The following PMFBP1 variants were observed in gnomAD, a reference collection of about 807,000 sequenced individuals.
PMFBP1 encodes the protein polyamine modulated factor 1 binding protein 1.
A neutral mutation model predicts 137.8 loss-of-function variants in PMFBP1; 131 were observed. That is an observed-to-expected ratio of 0.95 (90% CI 0.82 to 1.10). The LOEUF is 1.10. Among genes scored for constraint, PMFBP1 ranks in the 50% least tolerant of loss-of-function variants. The pLI is 0.00. For missense variants in PMFBP1, 1,199 were observed against 1,175.4 expected (o/e 1.02, Z -0.29); for synonymous variants, 490 against 450.4 (o/e 1.09, Z -1.11).
upstream of PMFBP1, chr16:72,172,209 T>C (rs1455172191): frequency 6.6e-6 from 1 of 152,022 alleles, no homozygotes; most frequent in South Asian, 2.1e-4. Flanking sequence ...ATTTCCTGCA[T>C]TGAGTACCCT....
the PMFBP1 span, among the ~76,000 whole-genome samples, chr16:72,227,830 A>T: frequency 2.2e-4 from 33 of 152,330 alleles, no homozygotes; most frequent in African/African-American, 7.9e-4. Flanking sequence ...ATGATGTGGC[A>T]TATATATGTA....
chr16:72,145,966 A>G (rs892324118), intron 5 of PMFBP1, among the ~76,000 whole-genome samples: 1 of 152,228 alleles, frequency 6.6e-6, no homozygotes, highest in Non-Finnish European at 1.5e-5. Context: ...AGGAGTTAGT[A>G]CCATTCCTTC....
intron 3 of PMFBP1, chr16:72,164,508 G>A (rs977632004): frequency 4.2e-6 from 6 of 1,419,622 alleles, no homozygotes; most frequent in South Asian, 1.2e-5. Context: ...GGTGTGAAAG[G>A]CCAGATAAGG....
At chr16:72,130,021 ATTT>A (rs34309753) in intron 12 of PMFBP1, among the ~76,000 whole-genome samples, 189 bp downstream of exon 12, 1 of 140,894 alleles carries the variant, frequency 7.1e-6, no homozygotes. Flanking sequence ...TAATGTTTGT[ATTT>A]TTTTTTTTTT....
chr16:72,147,074 T>G (rs1014691187), intron 5 of PMFBP1, among the ~76,000 whole-genome samples: 1 of 152,202 alleles, frequency 6.6e-6, no homozygotes, highest in Non-Finnish European at 1.5e-5. Context: ...AAGACAATCC[T>G]AAGCAAAAAG....
At chr16:72,222,099 G>A in the PMFBP1 span, among the ~76,000 whole-genome samples, 1 of 152,292 alleles carries the variant, frequency 6.6e-6, no homozygotes, top group South Asian at 2.1e-4. Context: ...CCAGTAAGTG[G>A]CAGAGTTGGG....
At chr16:72,130,811 T>C (rs192461945) in intron 10 of PMFBP1, 89 bp from the exon 11 acceptor site, 2 of 1,251,434 alleles carry the variant, frequency 1.6e-6, no homozygotes, top group East Asian at 2.5e-5. Context: ...TTTCCTTTCA[T>C]TTTGTGCCCT....
chr16:72,224,028 C>G, the PMFBP1 span, among the ~76,000 whole-genome samples: 1 of 152,176 alleles, frequency 6.6e-6, no homozygotes, highest in African/African-American at 2.4e-5. Flanking sequence ...TAAACAGACA[C>G]GACCCTGGTC....
chr16:72,137,003 A>G (rs2042642596), intron 7 of PMFBP1, among the ~76,000 whole-genome samples, 184 bp from the exon 8 acceptor site: 1 of 152,228 alleles, frequency 6.6e-6, no homozygotes, highest in South Asian at 2.1e-4. Flanking sequence ...CTGGGGTGAC[A>G]CAAATGTTCT....
At chr16:72,207,710 A>ATGTGTG in the PMFBP1 span, among the ~76,000 whole-genome samples, 2,700 of 144,002 alleles carry the variant, frequency 0.019, 38 homozygotes, top group Non-Finnish European at 0.025. Context: ...CCAGTAGGGC[A>ATGTGTG]TGTGTGTGTG....
chr16:72,229,594 C>T, the PMFBP1 span, among the ~76,000 whole-genome samples: 3 of 152,054 alleles, frequency 2.0e-5, no homozygotes, highest in African/African-American at 7.2e-5. Flanking sequence ...ATTTGCCTTT[C>T]TCTAATGATT....
In PMFBP1 at chr16:72,119,364, CAG is replaced by C; in HGVS notation, c.3008-12_3008-11del. ...TAGCAGTATGAGGAACCTGAGGGAA[CAG>C]GGAGGAAATGAGAGTTTTGATTCGA... On this transcript the variant is annotated splice_polypyrimidine_tract_variant and intron_variant, in intron 20 of 20. Coordinates refer to ENST00000237353, the MANE Select transcript of PMFBP1 (RefSeq NM_031293.3). The C allele has an allele frequency of 6.2e-7, 1 of 1,614,096 alleles. No homozygotes were observed. The highest frequency in any genetic ancestry group is 8.5e-7 in the Non-Finnish European group (1 of 1,179,986).
At chr16:72,171,748 C>T (rs1043188719) in intron 1 of PMFBP1, 7 of 152,674 alleles carry the variant, frequency 4.6e-5, no homozygotes, top group Non-Finnish European at 1.0e-4. Flanking sequence ...GTCACAGAGG[C>T]TCTCTTACTA....
At chr16:72,165,434 A>C (rs1307270725) in intron 2 of PMFBP1, among the ~76,000 whole-genome samples, 2 of 140,820 alleles carry the variant, frequency 1.4e-5, no homozygotes, top group East Asian at 2.1e-4. Context: ...TTTTTTTTTG[A>C]GACGGAGACT....
chr16:72,153,713 A>G (rs1482908416), intron 4 of PMFBP1, among the ~76,000 whole-genome samples: 2 of 149,512 alleles, frequency 1.3e-5, no homozygotes, highest in African/African-American at 5.0e-5. Context: ...GTCTGAAAAA[A>G]TTACCTGGTA....
At chr16:72,231,981 T>C in the PMFBP1 span, among the ~76,000 whole-genome samples, 1 of 152,202 alleles carries the variant, frequency 6.6e-6, no homozygotes. Context: ...ATTTGGGTCT[T>C]GGAGAACTTC....
chr16:72,204,091 T>G, the PMFBP1 span, among the ~76,000 whole-genome samples: 1 of 152,224 alleles, frequency 6.6e-6, no homozygotes, highest in Admixed American at 6.5e-5. Flanking sequence ...TTTCCCAAGC[T>G]GGAAGCAGAT....
At chr16:72,117,760 T>G (rs899899128), downstream of PMFBP1, among the ~76,000 whole-genome samples, 6 of 152,254 alleles carry the variant, frequency 3.9e-5, no homozygotes, top group Admixed American at 2.6e-4. Context: ...TAATATCAGC[T>G]GTTCGAACTA....
Position 72,140,470 on chromosome 16 carries a change from G to C in PMFBP1, c.749C>G (p.Ser250Cys), listed in dbSNP as rs143445216. 88 of 1,613,920 alleles carry C rather than the reference G, an allele frequency of 5.5e-5. No homozygotes were observed. Among genetic ancestry groups the C allele is most frequent in the Middle Eastern group, 3.3e-4 (2 of 6,084 alleles). ...TTCTTGAATGAGATCATCCTGTTGA[G>C]AGACCTTTTGCCAGACTTCAGACAG... ...KRLSEVWQKV[S>C]QQDDLIQELR... is the part of the protein sequence containing the mutation. The change falls in exon 6 of 21, where the codon TCT (serine) becomes TGT (cysteine). Residue 250 changes from serine to cysteine, a missense_variant. By Grantham distance (112) the Ser-to-Cys change is moderately radical. Transcript: ENST00000237353.
Sources: allele counts gnomAD v4.1 joint callset (sites outside exome capture counted in the v4.1 genomes callset), GRCh38; gene constraint gnomAD v4.1.1; transcripts MANE v1.5; gene names NCBI Gene and HGNC (gene_info 2026-07-23, HGNC 2026-07-21).